Variants in GALNT13 observed in about 807,000 individuals in gnomAD.
The protein encoded by GALNT13 is polypeptide N-acetylgalactosaminyltransferase 13, also known as UDP-GalNAc:polypeptide N-acetylgalactosaminyltransferase 13.
In GALNT13, 28 loss-of-function variants were observed where a neutral mutation model predicts 64.2. The ratio of observed to expected loss-of-function variants is 0.44; its 90% CI spans 0.32 to 0.60. The LOEUF (loss-of-function observed/expected upper bound fraction) is 0.60, where lower values mean the gene tolerates loss of function less well. Ranked by LOEUF, GALNT13 falls within the 20% of genes least tolerant of loss-of-function variation. The pLI is 0.05. For synonymous variants in GALNT13, 214 were observed against 224.6 expected (o/e 0.95, Z 0.42); for missense variants, 577 against 669.8 (o/e 0.86, Z 1.53).
At chr2:153,765,866 A>G in the GALNT13 span, among the ~76,000 whole-genome samples, 2 of 152,178 alleles carry the variant, frequency 1.3e-5, no homozygotes, top group Non-Finnish European at 2.9e-5. Flanking sequence ...TGATGGTTTT[A>G]TAAATGGGAG....
chr2:153,932,637 T>G (rs1443885771), intron 2 of GALNT13, among the ~76,000 whole-genome samples: 2 of 146,598 alleles, frequency 1.4e-5, no homozygotes, highest in South Asian at 2.2e-4. Flanking sequence ...TTTTTTTTTT[T>G]TTTTTTTGAG....
intron 8 of GALNT13, among the ~76,000 whole-genome samples, chr2:154,300,830 G>C (rs1693401501): frequency 6.6e-6 from 1 of 151,972 alleles, no homozygotes; most frequent in Non-Finnish European, 1.5e-5. Context: ...AAATAAAAAA[G>C]GTACACATTA....
chr2:153,527,319 A>C, the GALNT13 span, among the ~76,000 whole-genome samples: 1 of 152,210 alleles, frequency 6.6e-6, no homozygotes, highest in Non-Finnish European at 1.5e-5. Flanking sequence ...AACACACAAT[A>C]AAGCTCCAAT....
At chr2:153,162,178 G>A in the GALNT13 span, among the ~76,000 whole-genome samples, 2 of 152,120 alleles carry the variant, frequency 1.3e-5, no homozygotes, top group Non-Finnish European at 2.9e-5. Context: ...ATGCTGACAG[G>A]TATCAGTCAC....
chr2:153,904,924 T>C (rs1688455050), intron 2 of GALNT13, among the ~76,000 whole-genome samples: 6 of 151,904 alleles, frequency 3.9e-5, no homozygotes, highest in Admixed American at 3.9e-4. Flanking sequence ...CGCCCACTGT[T>C]CTTTAATGTC....
chr2:153,658,856 T>G, the GALNT13 span, among the ~76,000 whole-genome samples: 2 of 152,012 alleles, frequency 1.3e-5, no homozygotes, highest in Non-Finnish European at 2.9e-5. Context: ...CAATATTTGC[T>G]GAAACAAGTT....
the GALNT13 span, among the ~76,000 whole-genome samples, chr2:153,129,924 A>C: frequency 6.6e-6 from 1 of 152,348 alleles, no homozygotes; most frequent in South Asian, 2.1e-4. Flanking sequence ...ATGACGTTTA[A>C]AAGACACTGC....
chr2:153,853,380 C>T, the GALNT13 span, among the ~76,000 whole-genome samples: 1 of 152,226 alleles, frequency 6.6e-6, no homozygotes, highest in Non-Finnish European at 1.5e-5. Flanking sequence ...ATATTAACCA[C>T]CACACTTGCA....
At chr2:154,094,176 T>C (rs1253005033) in intron 3 of GALNT13, among the ~76,000 whole-genome samples, 2 of 151,966 alleles carry the variant, frequency 1.3e-5, no homozygotes, top group East Asian at 3.9e-4. Context: ...GGCAGCTCAT[T>C]AAAGCCAACT....
intron 4 of GALNT13, among the ~76,000 whole-genome samples, chr2:154,224,718 A>T (rs1191518036): frequency 6.6e-6 from 1 of 152,112 alleles, no homozygotes. Flanking sequence ...TTGATAAAAG[A>T]TATAATTTGA....
chr2:153,345,449 G>T, the GALNT13 span, among the ~76,000 whole-genome samples: 1 of 152,052 alleles, frequency 6.6e-6, no homozygotes, highest in East Asian at 1.9e-4. Context: ...AGAGAATAAT[G>T]TGTTCTCCTG....
In GALNT13 at chr2:153,944,430, T is replaced by A. The variant is rs1033752974; in HGVS notation, c.-68T>A. On this transcript the variant is annotated 5_prime_UTR_variant, in exon 3 of 13. It introduces an in-frame stop codon into an upstream open reading frame of the 5' UTR. Transcript: ENST00000392825. ...CTGCTTTCATCTTGGAGTTCACCTGTGTGGCTTGGATTTATCACAGTAGCA... is the reference window on the plus strand; with the variant it reads ...CTGCTTTCATCTTGGAGTTCACCTGAGTGGCTTGGATTTATCACAGTAGCA... The A allele has an allele frequency of 2.1e-6, 3 of 1,446,682 alleles. No individual in the cohort carries two copies. The highest frequency in any genetic ancestry group is 2.3e-5 in the East Asian group (1 of 43,134). The allele number at this position is 1,446,682 out of a possible 1,614,324, so 89.6% of individuals were successfully genotyped here.
intron 3 of GALNT13, among the ~76,000 whole-genome samples, chr2:154,081,789 T>C (rs769209952): frequency 1.3e-5 from 2 of 151,750 alleles, no homozygotes; most frequent in African/African-American, 2.4e-5. Flanking sequence ...TTTGATAATA[T>C]GTATAATGTT....
chr2:153,402,134 A>G, the GALNT13 span, among the ~76,000 whole-genome samples: 2 of 130,228 alleles, frequency 1.5e-5, no homozygotes, highest in Non-Finnish European at 3.2e-5. Flanking sequence ...TGGTGACAAA[A>G]TCTCTCAGCA....
the GALNT13 span, among the ~76,000 whole-genome samples, chr2:153,280,669 A>G: frequency 7.0e-3 from 1,073 of 152,208 alleles, 10 homozygotes; most frequent in African/African-American, 0.025. Context: ...TAATTGTTTT[A>G]CTTTCAGTGA....
chr2:154,440,333 A>T (rs986800166), intron 12 of GALNT13, among the ~76,000 whole-genome samples: 11 of 152,136 alleles, frequency 7.2e-5, no homozygotes, highest in African/African-American at 2.4e-4. Context: ...GAACAATGTC[A>T]TAACTCAAAT....
chr2:154,330,714 G>A (rs1695122525), intron 9 of GALNT13, among the ~76,000 whole-genome samples: 2 of 152,034 alleles, frequency 1.3e-5, no homozygotes, highest in Non-Finnish European at 2.9e-5. Flanking sequence ...CTACACCATG[G>A]ATCAAAAATT....
intron 3 of GALNT13, among the ~76,000 whole-genome samples, chr2:154,126,491 T>C (rs976322283): frequency 3.1e-4 from 47 of 151,456 alleles, no homozygotes; most frequent in African/African-American, 1.0e-3. Context: ...AAAAATCAGC[T>C]GGGCGTGGTG....
the GALNT13 span, among the ~76,000 whole-genome samples, chr2:153,120,203 C>G: frequency 6.6e-6 from 1 of 152,250 alleles, no homozygotes; most frequent in East Asian, 1.9e-4. Flanking sequence ...TTTACTGTTT[C>G]AATTCTACTT....
Sources: gnomAD v4.1 joint callset for allele counts (sites outside exome capture counted in the v4.1 genomes callset) on GRCh38, gnomAD v4.1.1 for gene constraint, MANE v1.5 for transcripts, NCBI Gene and HGNC (gene_info 2026-07-23, HGNC 2026-07-21) for gene names.